TACR1: variants seen among roughly 807,000 people sequenced by gnomAD.
TACR1 encodes tachykinin receptor 1, also known as substance-P receptor.
TACR1 carries 25 observed loss-of-function variants against 35.8 expected under a neutral mutation model. That is an observed-to-expected ratio of 0.70 (90% CI 0.51 to 0.98). The LOEUF (loss-of-function observed/expected upper bound fraction) is 0.98, where lower values mean the gene tolerates loss of function less well. Among genes scored for constraint, TACR1 ranks in the 50% least tolerant of loss-of-function variants. TACR1 has a pLI of 0.00. For missense variants in TACR1, 478 were observed against 522.9 expected (o/e 0.91, Z 0.84); for synonymous variants, 195 against 206.7 (o/e 0.94, Z 0.48).
At chr2:75,072,776 C>T (rs1213654658) in intron 2 of TACR1, among the ~76,000 whole-genome samples, 1 of 152,230 alleles carries the variant, frequency 6.6e-6, no homozygotes, top group Admixed American at 6.5e-5. Flanking sequence ...ATCTGGTGTC[C>T]TGGAGGTGAC....
At chr2:75,120,811 A>G (rs1420964970) in intron 1 of TACR1, 43 bp from the exon 2 acceptor site, 1 of 1,481,792 alleles carries the variant, frequency 6.7e-7, no homozygotes, top group Non-Finnish European at 9.1e-7. Flanking sequence ...CTGGTCACCA[A>G]AATCTGTATC....
chr2:75,170,041 T>G (rs1389430434), intron 1 of TACR1, among the ~76,000 whole-genome samples: 19 of 152,220 alleles, frequency 1.2e-4, no homozygotes, highest in Non-Finnish European at 1.5e-5. Context: ...TCTTATCATC[T>G]GACTTTTCCA....
intron 1 of TACR1, among the ~76,000 whole-genome samples, chr2:75,158,528 A>G (rs1674921114): frequency 6.6e-6 from 1 of 152,136 alleles, no homozygotes; most frequent in Admixed American, 6.5e-5. Flanking sequence ...CAAAGTTCTA[A>G]CCTTAGAATC....
chr2:75,129,870 T>C (rs1674144817), intron 1 of TACR1, among the ~76,000 whole-genome samples: 1 of 152,162 alleles, frequency 6.6e-6, no homozygotes, highest in Non-Finnish European at 1.5e-5. Flanking sequence ...GCAGAGGCAC[T>C]TGGGGCCAAA....
In TACR1 at chr2:75,137,559, A is replaced by G. The variant is rs7581675; in HGVS notation, c.390-16791T>C. Among the ~76,000 whole-genome samples, 1,279 of 151,850 alleles carry G rather than the reference A, an allele frequency of 8.4e-3. 12 individuals carry two copies. Among genetic ancestry groups the G allele is most frequent in the Non-Finnish European group, 0.013 (876 of 67,912 alleles). ...GCTAACACAGTGAAACCCCATCTCT[A>G]CTAACAACACAAAATCAAACTTAGC... On this transcript the variant is annotated intron_variant, in intron 1 of 4. Coordinates refer to ENST00000305249, the MANE Select transcript of TACR1 (RefSeq NM_001058.4).
chr2:75,079,491 C>G (rs1264015557), intron 2 of TACR1, among the ~76,000 whole-genome samples: 1 of 152,182 alleles, frequency 6.6e-6, no homozygotes, highest in Non-Finnish European at 1.5e-5. Context: ...GGTAGCCCCA[C>G]CATGCCCAGT....
At chr2:75,131,597 A>G (rs1674179658) in intron 1 of TACR1, among the ~76,000 whole-genome samples, 1 of 152,242 alleles carries the variant, frequency 6.6e-6, no homozygotes, top group African/African-American at 2.4e-5. Flanking sequence ...TGTACTTGTA[A>G]TAGGTTGTGA....
At chr2:75,097,112 C>T (rs1339275303) in intron 2 of TACR1, among the ~76,000 whole-genome samples, 2 of 152,166 alleles carry the variant, frequency 1.3e-5, no homozygotes, top group Non-Finnish European at 1.5e-5. Context: ...AGAGACTAGC[C>T]CAAGTTCCCC....
At chr2:75,103,376 C>T (rs1339160416) in intron 2 of TACR1, among the ~76,000 whole-genome samples, 1 of 151,992 alleles carries the variant, frequency 6.6e-6, no homozygotes, top group African/African-American at 2.4e-5. Context: ...ACAAAACCCT[C>T]GAATCCCTGT....
chr2:75,115,962 C>G (rs1222648538), intron 2 of TACR1, among the ~76,000 whole-genome samples: 1 of 147,086 alleles, frequency 6.8e-6, no homozygotes, highest in Non-Finnish European at 1.5e-5. Context: ...GGAAATATCT[C>G]TAAGACATAC....
intron 1 of TACR1, among the ~76,000 whole-genome samples, chr2:75,134,868 T>C (rs1275162164): frequency 6.6e-6 from 1 of 152,178 alleles, no homozygotes; most frequent in African/African-American, 2.4e-5. Context: ...GACTCTCAGA[T>C]GTTGATGAAG....
chr2:75,109,100 C>T (rs1673703879), intron 2 of TACR1, among the ~76,000 whole-genome samples: 1 of 152,152 alleles, frequency 6.6e-6, no homozygotes, highest in African/African-American at 2.4e-5. Context: ...TGCTGCAGTG[C>T]TGAAGGCTGC....
intron 2 of TACR1, among the ~76,000 whole-genome samples, chr2:75,087,161 G>A (rs1673205551): frequency 6.6e-6 from 1 of 152,070 alleles, no homozygotes; most frequent in Non-Finnish European, 1.5e-5. Context: ...TACTACTATG[G>A]ATATATAGGT....
chr2:75,111,132 A>G (rs1673742017), intron 2 of TACR1, among the ~76,000 whole-genome samples: 1 of 151,926 alleles, frequency 6.6e-6, no homozygotes, highest in African/African-American at 2.4e-5. Flanking sequence ...TCAGTTTGTC[A>G]CGTGCAGAAG....
chr2:75,051,805 TG>T (rs1672476126), intron 3 of TACR1, among the ~76,000 whole-genome samples: 1 of 152,184 alleles, frequency 6.6e-6, no homozygotes, highest in South Asian at 2.1e-4. Context: ...TACTCACATT[TG>T]GGGACTACTG....
At chr2:75,075,686 A>G (rs1217725079) in intron 2 of TACR1, among the ~76,000 whole-genome samples, 1 of 151,230 alleles carries the variant, frequency 6.6e-6, no homozygotes, top group Non-Finnish European at 1.5e-5. Context: ...AGGGATGATA[A>G]GAATGTGTTT....
intron 1 of TACR1, among the ~76,000 whole-genome samples, chr2:75,178,080 A>T (rs114020195): frequency 1.1e-3 from 164 of 152,288 alleles, no homozygotes; most frequent in African/African-American, 3.9e-3. Flanking sequence ...GATCCAGAAG[A>T]TCTACTTCAT....
intron 1 of TACR1, among the ~76,000 whole-genome samples, chr2:75,126,470 A>G (rs1470574495): frequency 6.6e-6 from 1 of 152,198 alleles, no homozygotes; most frequent in Non-Finnish European, 1.5e-5. Flanking sequence ...TGCTGGGTCA[A>G]ATGGTAGTTC....
chr2:75,111,876 G>T (rs1460517193), intron 2 of TACR1, among the ~76,000 whole-genome samples: 13 of 151,582 alleles, frequency 8.6e-5, no homozygotes, highest in Non-Finnish European at 1.6e-4. Context: ...GAGAGAGAGA[G>T]AAACCTTTTC....
Sources: gnomAD v4.1 joint callset for allele counts (sites outside exome capture counted in the v4.1 genomes callset) on GRCh38, gnomAD v4.1.1 for gene constraint, MANE v1.5 for transcripts, NCBI Gene and HGNC (gene_info 2026-07-23, HGNC 2026-07-21) for gene names.